Variants in CHRM3 observed in about 807,000 individuals in gnomAD.
The protein encoded by CHRM3 is cholinergic receptor muscarinic 3.
CHRM3 carries 11 observed loss-of-function variants against 41.8 expected under a neutral mutation model. That is an observed-to-expected ratio of 0.26 (90% CI 0.17 to 0.44). The LOEUF is 0.44. Ranked by LOEUF, CHRM3 falls within the 20% of genes least tolerant of loss-of-function variation. CHRM3 has a pLI of 1.00. For synonymous variants in CHRM3, 297 were observed against 301.4 expected, an observed-to-expected ratio of 0.99 and a Z score of 0.15; for missense variants, 571 against 745.4, an observed-to-expected ratio of 0.77 and a Z score of 2.72.
At chr1:239,430,079 G>T (rs374166693) in intron 1 of CHRM3, among the ~76,000 whole-genome samples, 1 of 149,336 alleles carries the variant, frequency 6.7e-6, no homozygotes, top group African/African-American at 2.5e-5. Context: ...GCAATTCTCT[G>T]CCTCAGCCTC....
At chr1:239,644,049 A>G (rs896490593) in intron 4 of CHRM3, among the ~76,000 whole-genome samples, 2 of 152,246 alleles carry the variant, frequency 1.3e-5, no homozygotes, top group Non-Finnish European at 2.9e-5. Flanking sequence ...AACAGCTATT[A>G]CTTTCTTTCA....
intron 1 of CHRM3, among the ~76,000 whole-genome samples, chr1:239,428,156 A>G (rs1662543160): frequency 6.6e-6 from 1 of 152,188 alleles, no homozygotes; most frequent in African/African-American, 2.4e-5. Flanking sequence ...GTCATTGTCA[A>G]CTTCAAGCCA....
intron 4 of CHRM3, among the ~76,000 whole-genome samples, chr1:239,646,860 A>C (rs761222941): frequency 6.6e-6 from 1 of 152,196 alleles, no homozygotes; most frequent in Non-Finnish European, 1.5e-5. Flanking sequence ...TAACTGGGCA[A>C]CAATATGTGG....
At chr1:239,802,790 GT>G (rs1300567831) in intron 5 of CHRM3, among the ~76,000 whole-genome samples, 1 of 152,066 alleles carries the variant, frequency 6.6e-6, no homozygotes, top group Non-Finnish European at 1.5e-5. Flanking sequence ...TAGAGATGGG[GT>G]TTCACCATGT....
chr1:239,529,170 T>C (rs1337524351), intron 2 of CHRM3, among the ~76,000 whole-genome samples: 1 of 152,210 alleles, frequency 6.6e-6, no homozygotes, highest in Non-Finnish European at 1.5e-5. Flanking sequence ...GAGTCTTGTT[T>C]TGTTTTTGGA....
chr1:239,559,499 A>G (rs988272374), intron 3 of CHRM3, among the ~76,000 whole-genome samples: 9 of 152,180 alleles, frequency 5.9e-5, no homozygotes, highest in African/African-American at 2.2e-4. Context: ...TTCAACCACT[A>G]CATCAAACTT....
chr1:239,480,621 A>G (rs962268659), intron 1 of CHRM3, among the ~76,000 whole-genome samples: 1 of 135,388 alleles, frequency 7.4e-6, no homozygotes, highest in African/African-American at 2.9e-5. Flanking sequence ...CAGTGGCACG[A>G]TCTTGGCTCA....
In CHRM3 at chr1:239,909,213, CA is replaced by C; in HGVS notation, c.1763del (p.Gln588ArgfsTer10). On this transcript the variant is annotated frameshift_variant, in exon 7 of 7. Transcript: ENST00000676153. LOFTEE classifies it high-confidence loss of function. The stretch of plus-strand genomic sequence containing the variant: ...CATTTTTCACAAGCGCGCACCCGAG[CA>C]GGCCTTGTAGAATGAGGTTGTATCA... ...SVIFHKRAPE[Q>X]AL is the part of the protein sequence containing the mutation. The C allele has an allele frequency of 6.2e-7, 1 of 1,605,118 alleles. No individual in the cohort carries two copies. The highest frequency in any genetic ancestry group is 8.5e-7 in the Non-Finnish European group (1 of 1,176,152).
intron 5 of CHRM3, among the ~76,000 whole-genome samples, chr1:239,701,056 A>G (rs1425043310): frequency 1.3e-5 from 2 of 152,006 alleles, no homozygotes; most frequent in African/African-American, 4.8e-5. Context: ...ACTTTTATTT[A>G]CCCTTCAGTT....
At chr1:239,615,099 G>A (rs1413931486) in intron 3 of CHRM3, among the ~76,000 whole-genome samples, 5 of 152,258 alleles carry the variant, frequency 3.3e-5, no homozygotes, top group Middle Eastern at 3.4e-3. Flanking sequence ...GGGAGGTCAG[G>A]CTTTGAAAAA....
intron 2 of CHRM3, among the ~76,000 whole-genome samples, chr1:239,511,485 A>G (rs2148200680): frequency 6.6e-6 from 1 of 152,330 alleles, no homozygotes; most frequent in African/African-American, 2.4e-5. Flanking sequence ...AAAGTATCAA[A>G]TGTGATTTCT....
chr1:239,614,260 T>A (rs1667387212), intron 3 of CHRM3, among the ~76,000 whole-genome samples: 1 of 152,178 alleles, frequency 6.6e-6, no homozygotes, highest in Non-Finnish European at 1.5e-5. Context: ...TATTCCTGTA[T>A]CCTGCCTGTG....
rs113588001 is a variant in CHRM3 at position 239,910,317 on chromosome 1, G to A, written c.*1093G>A. Reference sequence around the variant, plus strand: ...GTCATACACAGCAATATATATATATGTGTATATATATATATATGGCAAAGC... The same window carrying A: ...GTCATACACAGCAATATATATATATATGTATATATATATATATGGCAAAGC... On this transcript the variant is annotated 3_prime_UTR_variant, in exon 7 of 7. Transcript: ENST00000676153. 3,302 of 127,486 alleles carry A rather than the reference G, an allele frequency of 0.026. 33 individuals are homozygous for A. The highest frequency in any genetic ancestry group is 0.031 in the African/African-American group (1,075 of 34,128). The allele number at this position is 127,486 out of a possible 1,614,324, so 7.9% of individuals were successfully genotyped here.
chr1:239,559,646 G>A lies in CHRM3; in HGVS notation c.-313+13897G>A, dbSNP rs140696097. Among the ~76,000 whole-genome samples, 470 of 152,288 alleles carry A rather than the reference G, an allele frequency of 3.1e-3. 2 individuals carry two copies. Among genetic ancestry groups the A allele is most frequent in the African/African-American group, 0.011 (448 of 41,562 alleles). ...AAACTAAGACATTATTGTTAGTTGC[G>A]AGAAGCTGGCCAATATTTCTTGTAC... On this transcript the variant is annotated intron_variant, in intron 3 of 6. Transcript: ENST00000676153.
intron 3 of CHRM3, among the ~76,000 whole-genome samples, chr1:239,587,883 G>T (rs1205989054): frequency 6.6e-6 from 1 of 152,024 alleles, no homozygotes; most frequent in Non-Finnish European, 1.5e-5. Context: ...TAACCAATCT[G>T]GTTTTCTCAC....
chr1:239,527,568 G>C (rs16838400), intron 2 of CHRM3, among the ~76,000 whole-genome samples: 4,522 of 152,206 alleles, frequency 0.03, 241 homozygotes, highest in African/African-American at 0.1. Flanking sequence ...TTCAAGGTGA[G>C]CTCCCACTCA....
At chr1:239,671,433 A>G (rs1213372734) in intron 4 of CHRM3, among the ~76,000 whole-genome samples, 2 of 152,126 alleles carry the variant, frequency 1.3e-5, no homozygotes, top group African/African-American at 4.8e-5. Context: ...AATTAGCTGG[A>G]CATGGTGGTG....
At chr1:239,586,991 A>G (rs1351229842) in intron 3 of CHRM3, among the ~76,000 whole-genome samples, 1 of 152,210 alleles carries the variant, frequency 6.6e-6, no homozygotes, top group Non-Finnish European at 1.5e-5. Context: ...TGGTTGAGAA[A>G]TCTGGGCTCC....
At chr1:239,892,779 T>TG (rs1368301454) in intron 6 of CHRM3, among the ~76,000 whole-genome samples, 2 of 152,220 alleles carry the variant, frequency 1.3e-5, no homozygotes, top group Non-Finnish European at 2.9e-5. Context: ...CTCATGCACC[T>TG]TCCTGTCCTG....
Sources: gnomAD v4.1 joint callset for allele counts (sites outside exome capture counted in the v4.1 genomes callset) on GRCh38, gnomAD v4.1.1 for gene constraint, MANE v1.5 for transcripts, NCBI Gene and HGNC (gene_info 2026-07-23, HGNC 2026-07-21) for gene names.